CDH18: variants seen among roughly 807,000 people sequenced by gnomAD.
CDH18 encodes cadherin 18, also known as cadherin-18.
In CDH18, 31 loss-of-function variants were observed where a neutral mutation model predicts 67.9. The observed-to-expected ratio is 0.46, with a 90% confidence interval of 0.34 to 0.62. The LOEUF is 0.62. Among genes scored for constraint, CDH18 ranks in the 20% least tolerant of loss-of-function variants. The pLI is 0.01. For synonymous variants in CDH18, 362 were observed against 347.2 expected (o/e 1.04, Z -0.48); for missense variants, 890 against 975.5 (o/e 0.91, Z 1.17).
chr5:19,902,750 T>A (rs1790080307), intron 2 of CDH18, among the ~76,000 whole-genome samples: 1 of 152,190 alleles, frequency 6.6e-6, no homozygotes, highest in South Asian at 2.1e-4. Flanking sequence ...TTTGGCAACA[T>A]AATCTTGGCT....
intron 1 of CDH18, among the ~76,000 whole-genome samples, chr5:20,540,052 C>G (rs533388552): frequency 9.2e-4 from 140 of 152,144 alleles, no homozygotes; most frequent in Admixed American, 1.8e-3. Context: ...TTAGTTTATG[C>G]TAATACCTAC....
At chr5:20,229,097 G>T (rs1441327673) in intron 2 of CDH18, among the ~76,000 whole-genome samples, 2 of 151,990 alleles carry the variant, frequency 1.3e-5, no homozygotes, top group African/African-American at 4.8e-5. Context: ...ATATGAGGAT[G>T]CTAGCAAAAA....
In CDH18 at chr5:20,494,063, A is replaced by T. The variant is rs528127452; in HGVS notation, c.-580+81399T>A. 2.0e-4 allele frequency among the ~76,000 whole-genome samples: 31 copies of T among 152,282 alleles called. 1 individual carries two copies. The South Asian group carries it at 6.2e-3, about 31-fold the overall frequency. ...TCAGGAGTTTAAGACCAGCCTGGCC[A>T]ACATGGTTAACCCCCATCTATACTA... On this transcript the variant is annotated intron_variant, in intron 1 of 14. Coordinates refer to the CDH18 transcript ENST00000507958.
chr5:20,095,299 A>AAAAG (rs201165191), intron 2 of CDH18, among the ~76,000 whole-genome samples: 175 of 72,962 alleles, frequency 2.4e-3, no homozygotes, highest in East Asian at 3.9e-3. Context: ...AACTTAAAGT[A>AAAAG]AAAGAAAGAA....
intron 1 of CDH18, among the ~76,000 whole-genome samples, chr5:20,327,386 T>A (rs1242406179): frequency 6.6e-6 from 1 of 152,208 alleles, no homozygotes; most frequent in Non-Finnish European, 1.5e-5. Context: ...CCTCTTTCAC[T>A]TCTAAAAAGT....
At chr5:20,239,954 A>G (rs1742767854) in intron 2 of CDH18, among the ~76,000 whole-genome samples, 1 of 152,134 alleles carries the variant, frequency 6.6e-6, no homozygotes, top group South Asian at 2.1e-4. Context: ...AGGAAAATTT[A>G]CTAAGTGAAT....
intron 1 of CDH18, among the ~76,000 whole-genome samples, chr5:20,507,748 A>T (rs1319660668): frequency 6.6e-6 from 1 of 152,138 alleles, no homozygotes; most frequent in Non-Finnish European, 1.5e-5. Flanking sequence ...AATACATATT[A>T]TTCTAAAAGG....
At chr5:20,213,294 C>T (rs1020333521) in intron 2 of CDH18, among the ~76,000 whole-genome samples, 7 of 152,032 alleles carry the variant, frequency 4.6e-5, no homozygotes, top group South Asian at 2.1e-4. Flanking sequence ...CTGTCTTATA[C>T]GGGCACAGAT....
At chr5:19,644,717 G>C (rs778934830) in intron 5 of CDH18, among the ~76,000 whole-genome samples, 13 of 152,142 alleles carry the variant, frequency 8.5e-5, no homozygotes, top group Non-Finnish European at 1.5e-5. Context: ...GGCTTGGTAT[G>C]ACCCGTGAAG....
chr5:19,997,666 A>G (rs1314327091), intron 2 of CDH18, among the ~76,000 whole-genome samples: 2 of 152,140 alleles, frequency 1.3e-5, no homozygotes, highest in African/African-American at 2.4e-5. Context: ...CTATCCCAGC[A>G]TTTGCTTCAA....
chr5:20,223,013 C>A (rs1005158987), intron 2 of CDH18, among the ~76,000 whole-genome samples: 1 of 151,728 alleles, frequency 6.6e-6, no homozygotes, highest in Non-Finnish European at 1.5e-5. Context: ...ATAAAATTAA[C>A]TTTTAATCAA....
intron 5 of CDH18, among the ~76,000 whole-genome samples, chr5:19,617,950 G>A (rs1311011111): frequency 6.6e-6 from 1 of 152,116 alleles, no homozygotes; most frequent in Admixed American, 6.5e-5. Context: ...TCATATAGCA[G>A]TAGATCCTCC....
At chr5:19,976,060 A>T (rs1460340013) in intron 2 of CDH18, among the ~76,000 whole-genome samples, 1 of 152,142 alleles carries the variant, frequency 6.6e-6, no homozygotes, top group Admixed American at 6.6e-5. Flanking sequence ...ACGGTGATTC[A>T]TACTTAGCAA....
At chr5:19,998,850 T>C (rs933856415) in intron 2 of CDH18, among the ~76,000 whole-genome samples, 1 of 152,114 alleles carries the variant, frequency 6.6e-6, no homozygotes, top group African/African-American at 2.4e-5. Context: ...CATGTTAAGT[T>C]TGGCTATTTG....
At chr5:20,329,537 C>A (rs901471051) in intron 1 of CDH18, among the ~76,000 whole-genome samples, 1 of 151,702 alleles carries the variant, frequency 6.6e-6, no homozygotes, top group Non-Finnish European at 1.5e-5. Context: ...CCGAGGCAGG[C>A]GGATCACCTG....
intron 2 of CDH18, among the ~76,000 whole-genome samples, chr5:20,196,491 T>A (rs1738991815): frequency 6.6e-6 from 1 of 152,190 alleles, no homozygotes. Context: ...CTGCTTTATC[T>A]TTCAAAAGTA....
intron 1 of CDH18, among the ~76,000 whole-genome samples, chr5:20,421,739 T>C (rs1329535936): frequency 6.6e-6 from 1 of 150,486 alleles, no homozygotes; most frequent in East Asian, 1.9e-4. Flanking sequence ...CAAATTAAAG[T>C]TCAAGTACTG....
chr5:20,280,641 T>C lies in CDH18; in HGVS notation c.-579-25136A>G, dbSNP rs190344223. On this transcript the variant is annotated intron_variant, in intron 1 of 14. Transcript: ENST00000507958. The stretch of plus-strand genomic sequence containing the variant: ...ATTTGGGTTGGTTCCAAGTCTTTGC[T>C]ATTGTGAATAGTGCCACAATAAACA... 3.4e-3 allele frequency among the ~76,000 whole-genome samples: 521 copies of C among 152,368 alleles called. 1 individual carries two copies. Among genetic ancestry groups the C allele is most frequent in the Non-Finnish European group, 6.1e-3 (414 of 68,040 alleles).
At chr5:20,382,218 G>A (rs1219695356) in intron 1 of CDH18, among the ~76,000 whole-genome samples, 1 of 152,128 alleles carries the variant, frequency 6.6e-6, no homozygotes, top group Non-Finnish European at 1.5e-5. Flanking sequence ...TGTCATCAGA[G>A]AAGTGAGACA....
Sources: gnomAD v4.1 joint callset for allele counts (sites outside exome capture counted in the v4.1 genomes callset) on GRCh38, gnomAD v4.1.1 for gene constraint, MANE v1.5 for transcripts, NCBI Gene and HGNC (gene_info 2026-07-23, HGNC 2026-07-21) for gene names.